BCAS1: variants seen among roughly 807,000 people sequenced by gnomAD.
The protein encoded by BCAS1 is breast carcinoma-amplified sequence 1.
BCAS1 carries 46 observed loss-of-function variants against 65.4 expected under a neutral mutation model. The observed-to-expected ratio is 0.70, with a 90% confidence interval of 0.55 to 0.90. The LOEUF (loss-of-function observed/expected upper bound fraction) is 0.90, where lower values mean the gene tolerates loss of function less well. Ranked by LOEUF, BCAS1 falls within the 40% of genes least tolerant of loss-of-function variation. The pLI is 0.00. For synonymous variants in BCAS1, 298 were observed against 293.5 expected, an observed-to-expected ratio of 1.02 and a Z score of -0.16; for missense variants, 793 against 771.2, an observed-to-expected ratio of 1.03 and a Z score of -0.33.
chr20:54,023,079 A>C (rs1403439878), intron 4 of BCAS1, among the ~76,000 whole-genome samples: 1 of 152,270 alleles, frequency 6.6e-6, no homozygotes, highest in African/African-American at 2.4e-5. Flanking sequence ...GGCAGAAACA[A>C]CACAAAATAA....
intron 10 of BCAS1, among the ~76,000 whole-genome samples, chr20:53,964,230 T>C (rs1195242399): frequency 1.3e-5 from 2 of 152,186 alleles, no homozygotes; most frequent in Non-Finnish European, 2.9e-5. Flanking sequence ...CTATCAGGGA[T>C]TGCAAACTCA....
At chr20:53,968,329 C>T (rs934645573) in intron 9 of BCAS1, among the ~76,000 whole-genome samples, 1 of 152,174 alleles carries the variant, frequency 6.6e-6, no homozygotes, top group Non-Finnish European at 1.5e-5. Flanking sequence ...GGCATCTTCC[C>T]ACTTGTCTTT....
At chr20:54,069,599 T>C (rs1311224574) in intron 1 of BCAS1, among the ~76,000 whole-genome samples, 4 of 152,184 alleles carry the variant, frequency 2.6e-5, no homozygotes, top group Non-Finnish European at 5.9e-5. Context: ...TTCATGTTCC[T>C]AGTTGTAAAA....
chr20:54,039,074 A>G (rs1339775689), intron 3 of BCAS1, among the ~76,000 whole-genome samples: 1 of 151,474 alleles, frequency 6.6e-6, no homozygotes, highest in African/African-American at 2.4e-5. Context: ...ACCTCAAAAA[A>G]TTATGCAAAA....
chr20:54,028,341 C>G, intron 4 of BCAS1, 51 bp downstream of exon 4: 2 of 1,592,442 alleles, frequency 1.3e-6, no homozygotes, highest in South Asian at 2.2e-5. Flanking sequence ...ATCCCATTAG[C>G]GCCCCCGAGC....
chr20:54,062,451 C>T (rs752598587), intron 1 of BCAS1, among the ~76,000 whole-genome samples: 4 of 152,188 alleles, frequency 2.6e-5, no homozygotes, highest in Admixed American at 6.5e-5. Context: ...CAAACACATA[C>T]GTTCATATAT....
chr20:54,019,172 C>T (rs567236167), intron 4 of BCAS1, among the ~76,000 whole-genome samples: 157 of 152,294 alleles, frequency 1.0e-3, no homozygotes, highest in African/African-American at 3.5e-3. Context: ...AACCCACAGC[C>T]AACATCATAC....
intron 4 of BCAS1, among the ~76,000 whole-genome samples, chr20:53,998,502 T>G (rs1326390410): frequency 6.6e-6 from 1 of 151,500 alleles, no homozygotes; most frequent in African/African-American, 2.4e-5. Context: ...GTGGAGGGGG[T>G]GGTGGGACAA....
intron 3 of BCAS1, among the ~76,000 whole-genome samples, chr20:54,042,536 G>C (rs2092018572): frequency 6.6e-6 from 1 of 152,126 alleles, no homozygotes; most frequent in Non-Finnish European, 1.5e-5. Flanking sequence ...TTAAAAAATG[G>C]TGTCGGGAGG....
At chr20:54,051,546 A>T (rs2092212512) in intron 3 of BCAS1, among the ~76,000 whole-genome samples, 1 of 152,184 alleles carries the variant, frequency 6.6e-6, no homozygotes, top group Non-Finnish European at 1.5e-5. Flanking sequence ...CCATCACATT[A>T]CTTTCTTTTG....
In BCAS1 at chr20:53,995,047, T is replaced by C. The variant is rs761713493; in HGVS notation, c.892A>G (p.Asn298Asp). 1.2e-6 allele frequency: 2 copies of C among 1,613,358 alleles called. No individual in the cohort carries two copies. The highest frequency in any genetic ancestry group is 3.3e-5 in the Admixed American group (2 of 60,020). ...GGGTCCTTTTTTGTTTCAGCTTTGT[T>C]AGGTGAAACCTTAAAAGTTTGAGAA... ...MSFFKTLVSP[N>D]KAETKKDPED... is the part of the protein sequence containing the mutation. The change falls in exon 6 of 13, where the codon AAC becomes GAC. Residue 298 changes from asparagine (N) to aspartate (D), a missense_variant. Physicochemically the swap from Asn to Asp is conservative, Grantham distance 23. Transcript: ENST00000688948.
chr20:54,042,111 G>C (rs755226460), intron 3 of BCAS1, among the ~76,000 whole-genome samples: 38 of 152,130 alleles, frequency 2.5e-4, no homozygotes, highest in Middle Eastern at 3.4e-3. Flanking sequence ...GGAACTATTT[G>C]CTGGACTACT....
intron 3 of BCAS1, among the ~76,000 whole-genome samples, chr20:54,030,480 C>T (rs1472877972): frequency 2.0e-5 from 3 of 152,192 alleles, no homozygotes; most frequent in Admixed American, 6.5e-5. Context: ...ATTTTGCTTG[C>T]TCTATCTGTA....
At chr20:53,984,712 T>A (rs6022893) in intron 8 of BCAS1, among the ~76,000 whole-genome samples, 3 of 152,118 alleles carry the variant, frequency 2.0e-5, no homozygotes, top group Admixed American at 2.0e-4. Context: ...AGCCCCACTC[T>A]CCCTGTCCTT....
intron 7 of BCAS1, among the ~76,000 whole-genome samples, chr20:53,989,272 T>C (rs977631835): frequency 6.6e-6 from 1 of 152,198 alleles, no homozygotes; most frequent in African/African-American, 2.4e-5. Context: ...TTTTTCTCTT[T>C]GCATTGGGAG....
At chr20:53,992,139 T>C (rs892399998) in intron 7 of BCAS1, among the ~76,000 whole-genome samples, 2 of 145,748 alleles carry the variant, frequency 1.4e-5, no homozygotes, top group Non-Finnish European at 3.0e-5. Context: ...CTATATATGA[T>C]ATAAAGTTTC....
chr20:54,001,566 C>T (rs2091054518), intron 4 of BCAS1, among the ~76,000 whole-genome samples: 1 of 152,212 alleles, frequency 6.6e-6, no homozygotes, highest in East Asian at 1.9e-4. Context: ...TCTGGCTCAT[C>T]TGGACTTGCG....
intron 4 of BCAS1, among the ~76,000 whole-genome samples, chr20:54,011,298 G>A (rs2091314442): frequency 6.6e-6 from 1 of 152,122 alleles, no homozygotes; most frequent in South Asian, 2.1e-4. Context: ...AGAGAAACTA[G>A]AGAGTGGGAG....
Position 54,028,569 on chromosome 20 carries a change from T to C in BCAS1, c.546A>G (p.Gly182=). ...LLPPETGGAG[G]EAPSKPKDSS... ...AGTCCTTGGGCTTGGAGGGAGCTTC[T>C]CCTCCTGCTCCCCCTGTCTCAGGTG... The change falls in exon 4 of 13, where the codon GGA becomes GGG. Residue 182 remains glycine, a synonymous_variant. Transcript: ENST00000688948. 6 of 1,614,168 alleles carry C rather than the reference T, an allele frequency of 3.7e-6. No individual in the cohort carries two copies. Among genetic ancestry groups the C allele is most frequent in the Non-Finnish European group, 5.1e-6 (6 of 1,180,020 alleles).
Sources: allele counts gnomAD v4.1 joint callset (sites outside exome capture counted in the v4.1 genomes callset), GRCh38; gene constraint gnomAD v4.1.1; transcripts MANE v1.5; gene names NCBI Gene and HGNC (gene_info 2026-07-23, HGNC 2026-07-21).